TMTC1: variants seen among roughly 807,000 people sequenced by gnomAD.
TMTC1 encodes the protein transmembrane O-mannosyltransferase targeting cadherins 1.
A neutral mutation model predicts 104.8 loss-of-function variants in TMTC1; 73 were observed. The ratio of observed to expected loss-of-function variants is 0.70; its 90% confidence interval spans 0.58 to 0.85. TMTC1 has a LOEUF of 0.85. Among genes scored for constraint, TMTC1 ranks in the 40% least tolerant of loss-of-function variants. The probability of loss-of-function intolerance (pLI) is 0.00; values close to 1 mark genes in which losing one functional copy is unlikely to be tolerated. For missense variants in TMTC1, 1,035 were observed against 1,096.1 expected (o/e 0.94, Z 0.79); for synonymous variants, 434 against 428.7 (o/e 1.01, Z -0.15).
chr12:29,666,228 C>CTTT (rs751968439), intron 5 of TMTC1: 1,671 of 364,598 alleles, frequency 4.6e-3, no homozygotes, highest in African/African-American at 7.2e-3. Context: ...TTTCTTTTTT[C>CTTT]TTTTTTTTTT....
At chr12:29,761,556 T>C (rs2120394287) in intron 2 of TMTC1, among the ~76,000 whole-genome samples, 1 of 147,926 alleles carries the variant, frequency 6.8e-6, no homozygotes, top group Admixed American at 7.0e-5. Context: ...CTTCACACTA[T>C]TTTGCTACAT....
intron 7 of TMTC1, among the ~76,000 whole-genome samples, chr12:29,601,677 T>C (rs1372943510): frequency 6.6e-6 from 1 of 152,186 alleles, no homozygotes; most frequent in Non-Finnish European, 1.5e-5. Context: ...CTATACCGCT[T>C]GGGGCAAGTT....
chr12:29,557,632 G>A (rs1945279246), intron 9 of TMTC1, among the ~76,000 whole-genome samples: 1 of 151,948 alleles, frequency 6.6e-6, no homozygotes, highest in African/African-American at 2.4e-5. Context: ...ATATTTTTAG[G>A]AGAGACTGGG....
intron 5 of TMTC1, among the ~76,000 whole-genome samples, chr12:29,686,954 A>G (rs1162737541): frequency 6.6e-6 from 1 of 151,980 alleles, no homozygotes; most frequent in Non-Finnish European, 1.5e-5. Flanking sequence ...GGATTATAGC[A>G]TGTTTTAATA....
intron 5 of TMTC1, among the ~76,000 whole-genome samples, chr12:29,710,673 T>G (rs935902098): frequency 7.1e-6 from 1 of 141,300 alleles, no homozygotes; most frequent in African/African-American, 2.6e-5. Context: ...ATTTTTATAT[T>G]TATATATTTA....
At chr12:29,548,826 T>A (rs1387957860) in intron 10 of TMTC1, among the ~76,000 whole-genome samples, 1 of 2,264 alleles carries the variant, frequency 4.4e-4, no homozygotes, top group Admixed American at 8.1e-3. Flanking sequence ...ATATATTGCT[T>A]GATTATATCA....
chr12:29,572,407 A>G (rs1945704631), intron 8 of TMTC1, among the ~76,000 whole-genome samples, 189 bp from the exon 9 acceptor site: 1 of 152,226 alleles, frequency 6.6e-6, no homozygotes, highest in South Asian at 2.1e-4. Flanking sequence ...TTTCTATAGA[A>G]AACAATGGAG....
chr12:29,702,115 A>C (rs1166592347), intron 5 of TMTC1, among the ~76,000 whole-genome samples: 4 of 152,212 alleles, frequency 2.6e-5, no homozygotes. Flanking sequence ...ATCCAGATTA[A>C]ACTATGGACT....
intron 4 of TMTC1, among the ~76,000 whole-genome samples, chr12:29,752,706 A>C (rs1943120893): frequency 6.6e-6 from 1 of 152,164 alleles, no homozygotes; most frequent in South Asian, 2.1e-4. Context: ...GATATATCTC[A>C]AAAGCCCAAT....
intron 10 of TMTC1, among the ~76,000 whole-genome samples, chr12:29,543,591 G>C (rs1299982905): frequency 6.6e-6 from 1 of 152,130 alleles, no homozygotes; most frequent in African/African-American, 2.4e-5. Flanking sequence ...ATTCAAAATT[G>C]ATGTTCCCAA....
chr12:29,767,106 C>T (rs578026104), intron 2 of TMTC1, among the ~76,000 whole-genome samples: 1 of 151,988 alleles, frequency 6.6e-6, no homozygotes, highest in Non-Finnish European at 1.5e-5. Context: ...CCCGCCACTG[C>T]ACCTGGCTAA....
At chr12:29,629,591 C>G (rs1393143899) in intron 6 of TMTC1, among the ~76,000 whole-genome samples, 1 of 152,136 alleles carries the variant, frequency 6.6e-6, no homozygotes, top group African/African-American at 2.4e-5. Flanking sequence ...GGCTCACACT[C>G]CTTTTATATT....
At chr12:29,597,627 G>GAAAAA (rs35882753) in intron 7 of TMTC1, among the ~76,000 whole-genome samples, 3 of 139,808 alleles carry the variant, frequency 2.1e-5, no homozygotes, top group African/African-American at 7.8e-5. Flanking sequence ...CATAAAATGT[G>GAAAAA]AAAAAAAAAA....
chr12:29,707,976 AAGACATGTAGTGAACCCCTGCTG>A (rs1271881009), intron 5 of TMTC1, among the ~76,000 whole-genome samples: 2 of 152,212 alleles, frequency 1.3e-5, no homozygotes, highest in Non-Finnish European at 2.9e-5. Flanking sequence ...TTACTCATGG[AAGACATGTAGTGAACCCCTGCTG>A]AGAAACGAGG....
At chr12:29,727,800 G>T (rs867901855) in intron 5 of TMTC1, among the ~76,000 whole-genome samples, 2 of 152,196 alleles carry the variant, frequency 1.3e-5, no homozygotes, top group South Asian at 4.2e-4. Flanking sequence ...GTTTTGTTTT[G>T]TTTTGTTTTC....
At chr12:29,765,518 T>C (rs1943443059) in intron 2 of TMTC1, among the ~76,000 whole-genome samples, 1 of 152,116 alleles carries the variant, frequency 6.6e-6, no homozygotes, top group Non-Finnish European at 1.5e-5. Context: ...CTTCTCCCTA[T>C]AATAAAAAAT....
At chr12:29,590,207 A>G (rs546607903) in intron 7 of TMTC1, among the ~76,000 whole-genome samples, 1 of 151,678 alleles carries the variant, frequency 6.6e-6, no homozygotes, top group African/African-American at 2.4e-5. Flanking sequence ...CCTTTATCTG[A>G]GGAATGAAGC....
intron 10 of TMTC1, among the ~76,000 whole-genome samples, chr12:29,547,994 G>A (rs1000201302): frequency 2.8e-4 from 42 of 152,218 alleles, no homozygotes; most frequent in Admixed American, 6.5e-5. Context: ...GAATGCACTA[G>A]ACAGCTGTGT....
rs117192324 is a variant in TMTC1, at chr12:29,513,470, C to T, written c.2430+1012G>A. ...CCTACAAATTCTGAGAAAAATGCCA[C>T]AATTTCTGTTTTTGATTAAAGGATT... On this transcript the variant is annotated intron_variant, in intron 16 of 17. Transcript: ENST00000539277. Among the ~76,000 whole-genome samples the T allele has an allele frequency of 6.8e-4, 103 of 152,204 alleles. No homozygotes were observed. In the East Asian group the frequency reaches 0.019, roughly 27 times the overall value.
Sources: allele counts gnomAD v4.1 joint callset (sites outside exome capture counted in the v4.1 genomes callset), GRCh38; gene constraint gnomAD v4.1.1; transcripts MANE v1.5; gene names NCBI Gene and HGNC (gene_info 2026-07-23, HGNC 2026-07-21).